Variants in SFXN4 observed in about 807,000 individuals in gnomAD.
SFXN4 encodes the protein sideroflexin 4.
Under a neutral mutation model 54.6 loss-of-function variants are expected in SFXN4, and 48 were observed. That is an observed-to-expected ratio of 0.88 (90% confidence interval 0.70 to 1.12). SFXN4 has a LOEUF of 1.12. Among genes scored for constraint, SFXN4 ranks in the 50% most tolerant of loss-of-function variants. The pLI, the probability that SFXN4 is intolerant of heterozygous loss-of-function variation, is 0.00. For missense variants in SFXN4, 383 were observed against 409.2 expected (o/e 0.94, Z 0.55); for synonymous variants, 130 against 145.5 (o/e 0.89, Z 0.77).
At chr10:119,146,981 AG>A (rs1307596954) in intron 12 of SFXN4, among the ~76,000 whole-genome samples, 4 of 152,214 alleles carry the variant, frequency 2.6e-5, no homozygotes, top group African/African-American at 4.8e-5. Context: ...TCAGGCCCAC[AG>A]AATCCTTCCC....
intron 11 of SFXN4, among the ~76,000 whole-genome samples, chr10:119,151,350 C>T (rs1201815595): frequency 7.5e-6 from 1 of 132,832 alleles, no homozygotes; most frequent in African/African-American, 2.9e-5. Flanking sequence ...GCCTGGGCGA[C>T]AGAGTGAGAC....
chr10:119,149,777 C>T (rs1846979389), intron 11 of SFXN4, among the ~76,000 whole-genome samples: 1 of 152,072 alleles, frequency 6.6e-6, no homozygotes, highest in South Asian at 2.1e-4. Context: ...AAATAAAAGT[C>T]TCAGGGATAT....
chr10:119,155,019 T>C (rs757505281), intron 11 of SFXN4, 43 bp downstream of exon 11: 5 of 1,388,182 alleles, frequency 3.6e-6, no homozygotes, highest in Admixed American at 1.7e-5. Context: ...AGTCTAGTCG[T>C]TGCCCAAAAG....
At chr10:119,146,013 A>T (rs186731140) in intron 13 of SFXN4, among the ~76,000 whole-genome samples, 52 of 152,020 alleles carry the variant, frequency 3.4e-4, no homozygotes, top group African/African-American at 1.0e-3. Flanking sequence ...TTTTGTAGAG[A>T]TGGGGTCTCA....
chr10:119,142,916 T>TCTCTACTA (rs1846607720), intron 13 of SFXN4, among the ~76,000 whole-genome samples: 1 of 151,736 alleles, frequency 6.6e-6, no homozygotes, highest in African/African-American at 2.4e-5. Context: ...GTATTTTTAG[T>TCTCTACTA]AGAGACGGGG....
intron 11 of SFXN4, among the ~76,000 whole-genome samples, chr10:119,151,394 G>A: frequency 8.0e-6 from 1 of 124,292 alleles, no homozygotes; most frequent in Non-Finnish European, 1.7e-5. Context: ...AAAAAAAGAA[G>A]CAGATCAGTG....
chr10:119,144,988 A>G (rs537264194), intron 13 of SFXN4, among the ~76,000 whole-genome samples: 2 of 152,334 alleles, frequency 1.3e-5, no homozygotes, highest in South Asian at 4.1e-4. Flanking sequence ...AGTAATTTTA[A>G]AAGATTTCTT....
chr10:119,161,430 A>C lies in SFXN4; in HGVS notation c.253-349T>G, dbSNP rs3740560. On this transcript the variant is annotated intron_variant, in intron 3 of 13. Transcript: ENST00000355697. The stretch of plus-strand genomic sequence containing the variant: ...CTTAAAAAAACAACAACAACAACAA[A>C]AAAAAACAAAAAAAAAAAAAAAGCT... Among the ~76,000 whole-genome samples, 68 of 127,694 alleles carry C rather than the reference A, an allele frequency of 5.3e-4. 1 individual carries two copies. In the East Asian group the frequency reaches 0.011, roughly 21 times the overall value. The allele number at this position is 127,694 out of a possible 152,430, so 83.8% of individuals were successfully genotyped here. A position where few individuals can be genotyped will look rare whatever the true frequency, so the allele number is the denominator to read the frequency against.
chr10:119,153,777 G>C (rs1360554695), intron 11 of SFXN4, among the ~76,000 whole-genome samples: 1 of 152,140 alleles, frequency 6.6e-6, no homozygotes, highest in Non-Finnish European at 1.5e-5. Flanking sequence ...AGCCTCACGG[G>C]TCACCATGGC....
intron 6 of SFXN4, among the ~76,000 whole-genome samples, chr10:119,158,781 G>C (rs191196271): frequency 6.6e-6 from 1 of 152,078 alleles, no homozygotes; most frequent in South Asian, 2.1e-4. Flanking sequence ...CCAGGAGTTC[G>C]ACACCAGCCT....
In SFXN4 at chr10:119,165,654, C is replaced by T. The variant is rs1011572565; in HGVS notation, c.-7G>A. The T allele has an allele frequency of 4.4e-6, 7 of 1,575,578 alleles. No homozygotes were observed. The highest frequency in any genetic ancestry group is 2.5e-5 in the East Asian group (1 of 39,368). ...CCTCCTGTTCCAGGGACATTTTGCG[C>T]TGGTTAGAGTGGCCGCCGCCGCCAG... On this transcript the variant is annotated 5_prime_UTR_variant, in exon 1 of 14. Transcript: ENST00000355697.
At chr10:119,163,387 G>A (rs969355816) in intron 2 of SFXN4, among the ~76,000 whole-genome samples, 14 of 152,042 alleles carry the variant, frequency 9.2e-5, no homozygotes, top group African/African-American at 2.4e-5. Context: ...ACAGATGTAC[G>A]CTTTTCTTTT....
chr10:119,164,040 CAAAAAAAAAAA>C (rs368539311), intron 2 of SFXN4, 80 bp downstream of exon 2: 11 of 309,818 alleles, frequency 3.6e-5, no homozygotes, highest in African/African-American at 1.8e-4. Context: ...AACTCCGTCT[CAAAAAAAAAAA>C]AAAAAAAAAA....
chr10:119,148,444 G>C (rs1047676081), intron 11 of SFXN4, among the ~76,000 whole-genome samples: 3 of 152,064 alleles, frequency 2.0e-5, no homozygotes, highest in Admixed American at 6.6e-5. Context: ...TCTTCACTGA[G>C]AACCAAATGG....
rs1387981532 is a variant in SFXN4, at chr10:119,155,101, T to C, written c.693A>G (p.Glu231=). ...TTCTGGAATGACCCAGGACATTGCC[T>C]TCCTTGTCCATGACCGCAATCCCCT... The part of the protein sequence containing the change: ...SIKGIAVMDK[E]GNVLGHSRIA... Residue 231 remains glutamate, a synonymous_variant, in exon 11 of 14, where the codon GAA becomes GAG. Transcript: ENST00000355697. 6.2e-7 allele frequency: 1 copy of C among 1,614,110 alleles called. No homozygotes were observed. Among genetic ancestry groups the C allele is most frequent in the East Asian group, 2.2e-5 (1 of 44,882 alleles).
intron 10 of SFXN4, among the ~76,000 whole-genome samples, chr10:119,156,467 C>T (rs938917986): frequency 2.0e-5 from 3 of 152,174 alleles, no homozygotes; most frequent in African/African-American, 7.2e-5. Flanking sequence ...GTCTTGTGTT[C>T]ATTCTTTAGC....
At chr10:119,162,497 C>T (rs1254032940) in intron 2 of SFXN4, 83 bp from the exon 3 acceptor site, 4 of 1,107,114 alleles carry the variant, frequency 3.6e-6, no homozygotes, top group East Asian at 4.9e-5. Flanking sequence ...CCAGCTCACT[C>T]ACCAGCATGC....
chr10:119,146,506 T>C (rs988511718), intron 12 of SFXN4, among the ~76,000 whole-genome samples, 153 bp from the exon 13 acceptor site: 2 of 150,834 alleles, frequency 1.3e-5, no homozygotes, highest in Non-Finnish European at 2.9e-5. Context: ...CCTGTTCTTT[T>C]TTCTTTTTGT....
At chr10:119,148,428 G>A (rs991237268) in intron 11 of SFXN4, among the ~76,000 whole-genome samples, 1 of 152,118 alleles carries the variant, frequency 6.6e-6, no homozygotes, top group African/African-American at 2.4e-5. Flanking sequence ...GTGGCTTCTA[G>A]ACAGATCTTC....
Sources: allele counts gnomAD v4.1 joint callset (sites outside exome capture counted in the v4.1 genomes callset), GRCh38; gene constraint gnomAD v4.1.1; transcripts MANE v1.5; gene names NCBI Gene and HGNC (gene_info 2026-07-23, HGNC 2026-07-21).